ZBTB43: variants seen among roughly 807,000 people sequenced by gnomAD.
ZBTB43 encodes zinc finger and BTB domain containing 43.
A neutral mutation model predicts 31.1 loss-of-function variants in ZBTB43; 6 were observed. The ratio of observed to expected loss-of-function variants is 0.19; its 90% CI spans 0.11 to 0.38. The LOEUF is 0.38. ZBTB43 is among the 10% of genes least tolerant of loss of function. ZBTB43 has a pLI of 1.00. For missense variants in ZBTB43, 379 were observed against 602.1 expected, an observed-to-expected ratio of 0.63 and a Z score of 3.88; for synonymous variants, 212 against 221.7, an observed-to-expected ratio of 0.96 and a Z score of 0.39.
At chr9:126,808,552 G>A (rs1013268303) in intron 1 of ZBTB43, among the ~76,000 whole-genome samples, 1 of 152,086 alleles carries the variant, frequency 6.6e-6, no homozygotes, top group African/African-American at 2.4e-5. Context: ...AGAGGTATAT[G>A]GGAGTTATGC....
chr9:126,806,617 G>A (rs2032132295), intron 1 of ZBTB43, among the ~76,000 whole-genome samples: 1 of 152,118 alleles, frequency 6.6e-6, no homozygotes, highest in South Asian at 2.1e-4. Flanking sequence ...ACTTAAAATT[G>A]TTAAGTCTTA....
Position 126,832,744 on chromosome 9 carries a change from A to G in ZBTB43, c.235A>G (p.Arg79Gly). Reference sequence around the variant, plus strand: ...TGTTTTGCCTGATGTGATGAACCCAAGAGTGTTTGAGAACATTCTCCTATC... The same window carrying G: ...TGTTTTGCCTGATGTGATGAACCCAGGAGTGTTTGAGAACATTCTCCTATC... ...RIVLPDVMNP[R>G]VFENILLSSY... Residue 79 changes from arginine (R) to glycine (G), a missense_variant, in exon 3 of 3, where the codon AGA (arginine) becomes GGA (glycine). Transcript: ENST00000373464. The G allele has an allele frequency of 1.2e-6, 2 of 1,614,170 alleles. No homozygotes were observed. The highest frequency in any genetic ancestry group is 1.7e-6 in the Non-Finnish European group (2 of 1,180,050).
At chr9:126,822,664 C>T (rs1449668018) in intron 2 of ZBTB43, among the ~76,000 whole-genome samples, 1 of 152,144 alleles carries the variant, frequency 6.6e-6, no homozygotes, top group Non-Finnish European at 1.5e-5. Flanking sequence ...TGCTTGAGCC[C>T]AGGAGGTCAA....
rs2032871930 is a variant in ZBTB43 at position 126,836,027 on chromosome 9, C to G, written c.*2114C>G. ...TTTTGTTCTGCCAAAAACTGATCAC[C>G]CTCTCCCATGGTATTAGCAGAGCAT... On this transcript the variant is annotated 3_prime_UTR_variant, in exon 3 of 3. Transcript: ENST00000373464. 6.0e-6 allele frequency: 1 copy of G among 167,060 alleles called. No individual in the cohort carries two copies. The highest frequency in any genetic ancestry group is 2.4e-5 in the African/African-American group (1 of 41,424). The allele number at this position is 167,060 out of a possible 1,614,324, so 10.3% of individuals were successfully genotyped here. A position where few individuals can be genotyped will look rare whatever the true frequency, so the allele number is the denominator to read the frequency against.
At position 126,814,772 on chromosome 9, in the gene ZBTB43, A is replaced by C. The variant is rs1380923497; in HGVS notation, c.-24+5857A>C. Among the ~76,000 whole-genome samples the C allele has an allele frequency of 2.0e-5, 3 of 152,158 alleles. No individual in the cohort carries two copies. The South Asian group carries it at 6.2e-4, about 31-fold the overall frequency. On this transcript the variant is annotated intron_variant, in intron 2 of 2. Coordinates refer to ENST00000373464, the MANE Select transcript of ZBTB43 (RefSeq NM_014007.4). ...TGCACCACTGTACTCCAGCCTGGGC[A>C]ACAGAGCAAGACTCTGTCTAAAAAA...
chr9:126,833,284 G>A lies in ZBTB43; in HGVS notation c.775G>A (p.Asp259Asn). The A allele has an allele frequency of 6.2e-7, 1 of 1,613,494 alleles. No homozygotes were observed. Among genetic ancestry groups the A allele is most frequent in the African/African-American group, 1.3e-5 (1 of 75,020 alleles). The change falls in exon 3 of 3, where the codon GAT becomes AAT. Residue 259 changes from aspartate (D) to asparagine (N), a missense_variant. Coordinates refer to ENST00000373464, the MANE Select transcript of ZBTB43 (RefSeq NM_014007.4). The surrounding 1 kb of genome is among the most constrained non-coding windows in gnomAD (Gnocchi z 7.9). ...CTTAGAACAGGCTTGCGAGGGCATG[G>A]ATGTGCACGCGACCTACGACGAGCA... is the stretch of plus-strand genomic sequence containing the variant. ...ERLEQACEGM[D>N]VHATYDEHQV... is the part of the protein sequence containing the mutation.
rs2032883155 is a variant in ZBTB43, at chr9:126,836,569, T to A, written c.*2656T>A. 1 of 167,092 alleles carries A rather than the reference T, an allele frequency of 6.0e-6. No homozygotes were observed. Among genetic ancestry groups the A allele is most frequent in the African/African-American group, 2.4e-5 (1 of 41,448 alleles). The allele number at this position is 167,092 out of a possible 1,614,324, so 10.4% of individuals were successfully genotyped here. A position where few individuals can be genotyped will look rare whatever the true frequency, so the allele number is the denominator to read the frequency against. ...TTTGTAAACTCTGGTTTTTACCTTT[T>A]TTTCATCCCCACGTTGAGTTGGAGG... On this transcript the variant is annotated 3_prime_UTR_variant, in exon 3 of 3. Coordinates refer to ENST00000373464, the MANE Select transcript of ZBTB43 (RefSeq NM_014007.4).
intron 2 of ZBTB43, among the ~76,000 whole-genome samples, chr9:126,828,195 T>A (rs185939746): frequency 1.9e-4 from 29 of 152,082 alleles, no homozygotes; most frequent in South Asian, 1.5e-3. Context: ...TTATTTATTT[T>A]TTTTTTGAGA....
chr9:126,804,916 A>C (rs1038984782), upstream of ZBTB43: 3 of 152,390 alleles, frequency 2.0e-5, no homozygotes, highest in African/African-American at 4.8e-5. Flanking sequence ...CTCTCTCCCG[A>C]CGCCCAGCTC....
intron 1 of ZBTB43, among the ~76,000 whole-genome samples, chr9:126,808,233 G>C (rs1251838256): frequency 6.6e-6 from 1 of 152,164 alleles, no homozygotes; most frequent in Non-Finnish European, 1.5e-5. Flanking sequence ...GAATCTCAGA[G>C]AGTTTGCTGT....
At chr9:126,815,878 A>T (rs906644750) in intron 2 of ZBTB43, among the ~76,000 whole-genome samples, 1 of 151,698 alleles carries the variant, frequency 6.6e-6, no homozygotes. Context: ...TTGATGTCAG[A>T]TATGAGTTTT....
At chr9:126,810,355 C>T (rs1465102003) in intron 2 of ZBTB43, among the ~76,000 whole-genome samples, 2 of 151,894 alleles carry the variant, frequency 1.3e-5, no homozygotes, top group African/African-American at 4.8e-5. Context: ...TCAGCATGCC[C>T]AGCTAATTTT....
At chr9:126,815,197 GT>G (rs2032348616) in intron 2 of ZBTB43, among the ~76,000 whole-genome samples, 1 of 146,904 alleles carries the variant, frequency 6.8e-6, no homozygotes, top group African/African-American at 2.5e-5. Context: ...TATATATATA[GT>G]TTTCAATATA....
chr9:126,804,291 A>C (rs1190431795), upstream of ZBTB43, among the ~76,000 whole-genome samples: 2 of 152,146 alleles, frequency 1.3e-5, no homozygotes, highest in Non-Finnish European at 2.9e-5. Context: ...GCCCAGCACA[A>C]TGCAGCCCAC....
chr9:126,824,125 C>T (rs1035383864), intron 2 of ZBTB43, among the ~76,000 whole-genome samples: 12 of 152,082 alleles, frequency 7.9e-5, no homozygotes, highest in Admixed American at 3.3e-4. Context: ...CTCCTGGGTT[C>T]GAGCGATTCT....
intron 2 of ZBTB43, among the ~76,000 whole-genome samples, chr9:126,814,982 T>G (rs936404701): frequency 1.1e-4 from 16 of 151,598 alleles, no homozygotes; most frequent in Non-Finnish European, 2.1e-4. Context: ...GCCTTTTTTT[T>G]GTCTGGCTGC....
At chr9:126,829,079 A>G (rs993802896) in intron 2 of ZBTB43, among the ~76,000 whole-genome samples, 1 of 152,014 alleles carries the variant, frequency 6.6e-6, no homozygotes, top group African/African-American at 2.4e-5. Context: ...CTAAGTAGAC[A>G]CTGTCATTGA....
intron 2 of ZBTB43, among the ~76,000 whole-genome samples, chr9:126,828,614 G>T (rs2032696383): frequency 6.9e-6 from 1 of 145,828 alleles, no homozygotes; most frequent in African/African-American, 2.6e-5. Flanking sequence ...GCAACACAGT[G>T]AGACCCCCAT....
chr9:126,832,513 G>C lies in ZBTB43; in HGVS notation c.4G>C (p.Glu2Gln). ...ACCGAACAAGATTTGTGATGAAATG[G>C]AGCCTGGAACAAACTCTTTTCGGGT... M[E>Q]PGTNSFRVEF... The change falls in exon 3 of 3, where the codon GAG becomes CAG. Residue 2 changes from glutamate to glutamine, a missense_variant. By Grantham distance (29) the Glu-to-Gln change is conservative. This residue lies in a region of ZBTB43 where 79 missense variants were observed against 134.4 expected (regional missense o/e 0.59). Transcript: ENST00000373464. 2 of 1,600,870 alleles carry C rather than the reference G, an allele frequency of 1.2e-6. No homozygotes were observed. The highest frequency in any genetic ancestry group is 1.7e-6 in the Non-Finnish European group (2 of 1,169,976).
Sources: gnomAD v4.1 joint callset for allele counts (sites outside exome capture counted in the v4.1 genomes callset) on GRCh38, gnomAD v4.1.1 for gene constraint, gnomAD v4.1.1 regional missense constraint, Gnocchi (gnomAD v3.1) non-coding constraint, MANE v1.5 for transcripts, NCBI Gene and HGNC (gene_info 2026-07-23, HGNC 2026-07-21) for gene names.